The following HCN1 variants were observed in gnomAD, a reference collection of about 807,000 sequenced individuals.
HCN1 encodes hyperpolarization activated cyclic nucleotide gated potassium channel 1.
A neutral mutation model predicts 78.9 loss-of-function variants in HCN1; 13 were observed. The ratio of observed to expected loss-of-function variants is 0.16; its 90% CI spans 0.11 to 0.26. The LOEUF (loss-of-function observed/expected upper bound fraction) is 0.26. HCN1 is among the 10% of genes least tolerant of loss of function. The pLI, the probability that HCN1 is intolerant of heterozygous loss-of-function variation, is 1.00. For missense variants in HCN1, 810 were observed against 1,154.3 expected, an observed-to-expected ratio of 0.70 and a Z score of 4.32; for synonymous variants, 552 against 455.5, an observed-to-expected ratio of 1.21 and a Z score of -2.70.
At chr5:45,572,831 T>C (rs906590934) in intron 2 of HCN1, among the ~76,000 whole-genome samples, 2 of 152,096 alleles carry the variant, frequency 1.3e-5, no homozygotes, top group African/African-American at 4.8e-5. Flanking sequence ...GTGTTGTGAA[T>C]AGGGAAAAAG....
chr5:45,258,325 G>A lies in HCN1; in HGVS notation c.*3596C>T, dbSNP rs965562904. 6.6e-6 allele frequency: 1 copy of A among 152,032 alleles called. No individual in the cohort carries two copies. The highest frequency in any genetic ancestry group is 2.4e-5 in the African/African-American group (1 of 41,402). 9.4% of individuals were successfully genotyped at this position (152,032 alleles called of 1,614,324 possible). A position where few individuals can be genotyped will look rare whatever the true frequency, so the allele number is the denominator to read the frequency against. On this transcript the variant is annotated 3_prime_UTR_variant, in exon 8 of 8. Transcript: ENST00000303230. Reference sequence around the variant, plus strand: ...TCATTCTCTGTCCTATAGGAATGACGGTAATAACTTGACTATGTACTTTGT... The same window carrying A: ...TCATTCTCTGTCCTATAGGAATGACAGTAATAACTTGACTATGTACTTTGT...
At chr5:45,314,561 G>T (rs1015122371) in intron 5 of HCN1, among the ~76,000 whole-genome samples, 3 of 152,218 alleles carry the variant, frequency 2.0e-5, no homozygotes, top group African/African-American at 7.2e-5. Context: ...AAAAGACACA[G>T]ACTGGCAAAT....
chr5:45,566,521 G>T (rs1393199358), intron 2 of HCN1, among the ~76,000 whole-genome samples: 1 of 152,042 alleles, frequency 6.6e-6, no homozygotes, highest in Non-Finnish European at 1.5e-5. Context: ...AAGGGCAGCT[G>T]CAGCTTTATA....
At chr5:45,543,309 T>TA (rs985201460) in intron 2 of HCN1, among the ~76,000 whole-genome samples, 13 of 151,236 alleles carry the variant, frequency 8.6e-5, no homozygotes, top group East Asian at 7.8e-4. Context: ...TAGAAGGAGA[T>TA]AAAAAAAATA....
chr5:45,645,077 A>C, intron 2 of HCN1, 108 bp downstream of exon 2: 1 of 786,040 alleles, frequency 1.3e-6, no homozygotes, highest in Non-Finnish European at 2.0e-6. Context: ...ACATTTTTCT[A>C]CTTGAATTTC....
At chr5:45,580,959 C>A (rs1187140539) in intron 2 of HCN1, among the ~76,000 whole-genome samples, 1 of 152,120 alleles carries the variant, frequency 6.6e-6, no homozygotes, top group African/African-American at 2.4e-5. Flanking sequence ...TGAGTTGGTT[C>A]CAAGTCTTTG....
At chr5:45,585,482 T>C (rs1173399815) in intron 2 of HCN1, among the ~76,000 whole-genome samples, 1 of 152,224 alleles carries the variant, frequency 6.6e-6, no homozygotes, top group Non-Finnish European at 1.5e-5. Context: ...AACTTCCTCC[T>C]TTAGCTCAGA....
At chr5:45,368,503 G>A (rs1032110394) in intron 4 of HCN1, among the ~76,000 whole-genome samples, 15 of 151,886 alleles carry the variant, frequency 9.9e-5, no homozygotes, top group African/African-American at 3.4e-4. Flanking sequence ...AACATTAATT[G>A]ATAGAGAATG....
chr5:45,590,113 C>A (rs932116597), intron 2 of HCN1, among the ~76,000 whole-genome samples: 2 of 152,110 alleles, frequency 1.3e-5, no homozygotes, highest in African/African-American at 4.8e-5. Flanking sequence ...TTCTAAATCT[C>A]AGGGTAGTGT....
chr5:45,599,200 A>G (rs1429757582), intron 2 of HCN1, among the ~76,000 whole-genome samples: 1 of 152,194 alleles, frequency 6.6e-6, no homozygotes, highest in East Asian at 1.9e-4. Flanking sequence ...AAAATGTGGC[A>G]TGTGTACACC....
At chr5:45,321,402 G>T (rs777150927) in intron 5 of HCN1, among the ~76,000 whole-genome samples, 7 of 151,460 alleles carry the variant, frequency 4.6e-5, no homozygotes, top group Non-Finnish European at 1.0e-4. Flanking sequence ...GTATTGCCAA[G>T]GCTACAGAGC....
At chr5:45,677,309 T>A (rs1739583954) in intron 1 of HCN1, among the ~76,000 whole-genome samples, 1 of 151,840 alleles carries the variant, frequency 6.6e-6, no homozygotes, top group Non-Finnish European at 1.5e-5. Flanking sequence ...GGTTGAGCAG[T>A]GGCTGGCACA....
intron 4 of HCN1, among the ~76,000 whole-genome samples, chr5:45,381,588 C>T (rs190999196): frequency 2.2e-4 from 34 of 152,216 alleles, no homozygotes; most frequent in Middle Eastern, 3.4e-3. Flanking sequence ...GGGCTAGGTC[C>T]GATGTTACCT....
chr5:45,370,210 C>T (rs1484586079), intron 4 of HCN1, among the ~76,000 whole-genome samples: 3 of 151,758 alleles, frequency 2.0e-5, no homozygotes, highest in Non-Finnish European at 4.4e-5. Flanking sequence ...TATAAAACTA[C>T]AATTACCAAA....
chr5:45,382,374 G>C (rs1435204284), intron 4 of HCN1, among the ~76,000 whole-genome samples: 1 of 152,148 alleles, frequency 6.6e-6, no homozygotes, highest in East Asian at 1.9e-4. Context: ...TCAGTACCTA[G>C]AAAAGAGCCT....
chr5:45,677,454 A>T (rs987256417), intron 1 of HCN1, among the ~76,000 whole-genome samples: 94 of 151,934 alleles, frequency 6.2e-4, no homozygotes, highest in African/African-American at 2.2e-3. Context: ...GTAGGAAAAC[A>T]ATCCAAAGAG....
intron 2 of HCN1, among the ~76,000 whole-genome samples, chr5:45,518,667 A>C (rs1383021590): frequency 1.3e-5 from 2 of 152,064 alleles, no homozygotes; most frequent in Non-Finnish European, 2.9e-5. Flanking sequence ...AATGTGAAGA[A>C]AGATTAAAAC....
intron 6 of HCN1, among the ~76,000 whole-genome samples, chr5:45,291,969 C>T (rs1008796663): frequency 3.3e-5 from 5 of 151,714 alleles, no homozygotes; most frequent in Non-Finnish European, 7.4e-5. Context: ...TTCAATAGTG[C>T]ATAATATCCA....
intron 5 of HCN1, among the ~76,000 whole-genome samples, chr5:45,347,206 C>G (rs1412401963): frequency 6.6e-6 from 1 of 152,194 alleles, no homozygotes; most frequent in Non-Finnish European, 1.5e-5. Context: ...ATTTGTGGTT[C>G]ACGAAAATCT....
Sources: gnomAD v4.1 joint callset for allele counts (sites outside exome capture counted in the v4.1 genomes callset) on GRCh38, gnomAD v4.1.1 for gene constraint, MANE v1.5 for transcripts, NCBI Gene and HGNC (gene_info 2026-07-23, HGNC 2026-07-21) for gene names.